Variants in ADCY8 observed in about 807,000 individuals in gnomAD.
The protein encoded by ADCY8 is adenylate cyclase type 8.
ADCY8 carries 51 observed loss-of-function variants against 119.7 expected under a neutral mutation model. The observed-to-expected ratio is 0.43, with a 90% CI of 0.34 to 0.54. The LOEUF (loss-of-function observed/expected upper bound fraction) is 0.54. Ranked by LOEUF, ADCY8 falls within the 20% of genes least tolerant of loss-of-function variation. The pLI is 0.03. For synonymous variants in ADCY8, 665 were observed against 651.0 expected, an observed-to-expected ratio of 1.02 and a Z score of -0.33; for missense variants, 1,383 against 1,598.8, an observed-to-expected ratio of 0.87 and a Z score of 2.30.
chr8:130,864,312 G>A (rs1231909442), intron 9 of ADCY8, among the ~76,000 whole-genome samples: 1 of 151,970 alleles, frequency 6.6e-6, no homozygotes, highest in Non-Finnish European at 1.5e-5. Context: ...GTTTATCCTG[G>A]TTGGTTATTT....
chr8:130,787,431 G>A (rs1586410995), intron 15 of ADCY8, among the ~76,000 whole-genome samples: 2 of 152,214 alleles, frequency 1.3e-5, no homozygotes, highest in South Asian at 4.1e-4. Context: ...GTAGATTTGT[G>A]TGTGTGTGCC....
intron 13 of ADCY8, among the ~76,000 whole-genome samples, chr8:130,814,997 T>C (rs927852899): frequency 6.6e-5 from 10 of 152,182 alleles, no homozygotes; most frequent in African/African-American, 2.4e-4. Flanking sequence ...TGATGGCATT[T>C]AGAGATGGAA....
chr8:130,963,388 G>A (rs1282678376), intron 2 of ADCY8, among the ~76,000 whole-genome samples: 2 of 152,226 alleles, frequency 1.3e-5, no homozygotes, highest in African/African-American at 4.8e-5. Flanking sequence ...GACAGAAGGA[G>A]CTAGACCTGT....
chr8:130,929,059 G>GT (rs1180202161), intron 5 of ADCY8, among the ~76,000 whole-genome samples: 1 of 151,564 alleles, frequency 6.6e-6, no homozygotes, highest in Non-Finnish European at 1.5e-5. Flanking sequence ...TATTTTATTT[G>GT]TTTTTTTCTT....
intron 14 of ADCY8, among the ~76,000 whole-genome samples, chr8:130,811,365 G>A (rs901581238): frequency 6.6e-6 from 1 of 152,152 alleles, no homozygotes; most frequent in Admixed American, 6.5e-5. Context: ...GGGCGCTACA[G>A]GTAACATAAA....
At chr8:130,981,034 T>C (rs1822224060) in intron 2 of ADCY8, among the ~76,000 whole-genome samples, 1 of 152,194 alleles carries the variant, frequency 6.6e-6, no homozygotes, top group Non-Finnish European at 1.5e-5. Context: ...GTAATGTTTG[T>C]TTCCAAATCT....
chr8:130,985,065 A>T (rs1480179871), intron 2 of ADCY8, among the ~76,000 whole-genome samples: 2 of 152,186 alleles, frequency 1.3e-5, no homozygotes, highest in Non-Finnish European at 2.9e-5. Flanking sequence ...TATGTGAAGG[A>T]AACAGGAATC....
intron 5 of ADCY8, among the ~76,000 whole-genome samples, chr8:130,921,404 T>C (rs150794144): frequency 6.6e-6 from 1 of 152,188 alleles, no homozygotes; most frequent in East Asian, 1.9e-4. Flanking sequence ...TGAATATTAA[T>C]GTAAACCATG....
chr8:131,013,392 T>C (rs1293108309), intron 1 of ADCY8, among the ~76,000 whole-genome samples: 1 of 151,928 alleles, frequency 6.6e-6, no homozygotes, highest in Non-Finnish European at 1.5e-5. Context: ...AGGGAAGAGG[T>C]CACTTTATGA....
At chr8:130,984,435 G>A (rs1822335022) in intron 2 of ADCY8, among the ~76,000 whole-genome samples, 1 of 151,782 alleles carries the variant, frequency 6.6e-6, no homozygotes, top group Non-Finnish European at 1.5e-5. Flanking sequence ...AAAGAAAGCA[G>A]TGGCTTTGGC....
At chr8:130,989,537 TAG>T (rs1822510208) in intron 2 of ADCY8, among the ~76,000 whole-genome samples, 1 of 152,156 alleles carries the variant, frequency 6.6e-6, no homozygotes, top group Non-Finnish European at 1.5e-5. Context: ...TCTAGGATTG[TAG>T]AGATAATATA....
At chr8:130,800,652 G>T in intron 14 of ADCY8, 80 bp from the exon 15 acceptor site, 1 of 1,466,404 alleles carries the variant, frequency 6.8e-7, no homozygotes, top group South Asian at 1.2e-5. Context: ...GCACACATGT[G>T]GGTACACACG....
intron 2 of ADCY8, among the ~76,000 whole-genome samples, chr8:130,976,826 T>G (rs1267330387): frequency 6.6e-6 from 1 of 152,208 alleles, no homozygotes; most frequent in Non-Finnish European, 1.5e-5. Flanking sequence ...TTAAAAAATT[T>G]TAAAAATAAT....
Position 130,780,882 on chromosome 8 carries a change from G to T in ADCY8, c.3269-5C>A, listed in dbSNP as rs202210196. 99 of 1,612,122 alleles carry T rather than the reference G, an allele frequency of 6.1e-5. No individual in the cohort carries two copies. In the East Asian group the frequency reaches 1.5e-3, roughly 24 times the overall value. On this transcript the variant is annotated splice_region_variant and splice_polypyrimidine_tract_variant and intron_variant, in intron 17 of 17. Coordinates refer to ENST00000286355, the MANE Select transcript of ADCY8 (RefSeq NM_001115.3). Reference sequence around the variant, plus strand: ...CCACTGAGCCGTGGCTGATGCCTGGGGGGTGAAGCAAAGGAGCAAGAAGTC... The same window carrying T: ...CCACTGAGCCGTGGCTGATGCCTGGTGGGTGAAGCAAAGGAGCAAGAAGTC...
chr8:130,826,640 C>T (rs1816675904), intron 12 of ADCY8, among the ~76,000 whole-genome samples: 1 of 152,066 alleles, frequency 6.6e-6, no homozygotes, highest in Non-Finnish European at 1.5e-5. Flanking sequence ...TATAATCTTG[C>T]AATGATTATT....
intron 5 of ADCY8, among the ~76,000 whole-genome samples, chr8:130,921,374 A>G (rs2130582174): frequency 6.6e-6 from 1 of 152,000 alleles, no homozygotes; most frequent in Admixed American, 6.5e-5. Context: ...CTTTAAATGC[A>G]TGAGCATTTT....
At chr8:130,916,618 T>C (rs951099657) in intron 5 of ADCY8, among the ~76,000 whole-genome samples, 1 of 152,136 alleles carries the variant, frequency 6.6e-6, no homozygotes, top group Non-Finnish European at 1.5e-5. Context: ...TGGAAGATTG[T>C]GGGTTTACGG....
intron 11 of ADCY8, among the ~76,000 whole-genome samples, chr8:130,846,761 C>T (rs1470958885): frequency 7.7e-6 from 1 of 130,650 alleles, no homozygotes; most frequent in Non-Finnish European, 1.6e-5. Flanking sequence ...TCTGTCCTTC[C>T]TTCCCCTTCC....
At chr8:130,965,171 T>A (rs1821724356) in intron 2 of ADCY8, among the ~76,000 whole-genome samples, 1 of 152,222 alleles carries the variant, frequency 6.6e-6, no homozygotes, top group African/African-American at 2.4e-5. Context: ...GTATAGAAGC[T>A]CTTTAGTTTA....
Sources: allele counts gnomAD v4.1 joint callset (sites outside exome capture counted in the v4.1 genomes callset), GRCh38; gene constraint gnomAD v4.1.1; transcripts MANE v1.5; gene names NCBI Gene and HGNC (gene_info 2026-07-23, HGNC 2026-07-21).